EPHA6: variants seen among roughly 807,000 people sequenced by gnomAD.
EPHA6 encodes ephrin type-A receptor 6.
A neutral mutation model predicts 112.0 loss-of-function variants in EPHA6; 50 were observed. The observed-to-expected ratio is 0.45, with a 90% CI of 0.36 to 0.56. EPHA6 has a LOEUF of 0.56. Ranked by LOEUF, EPHA6 falls within the 20% of genes least tolerant of loss-of-function variation. The pLI, the probability that EPHA6 is intolerant of heterozygous loss-of-function variation, is 0.00. For synonymous variants in EPHA6, 529 were observed against 490.7 expected (o/e 1.08, Z -1.03); for missense variants, 1,280 against 1,417.4 (o/e 0.90, Z 1.56).
At chr3:97,671,573 A>G (rs778654237) in intron 14 of EPHA6, among the ~76,000 whole-genome samples, 2 of 152,206 alleles carry the variant, frequency 1.3e-5, no homozygotes, top group Non-Finnish European at 2.9e-5. Flanking sequence ...AGTCCTTGAT[A>G]GAAGTCAAAC....
At chr3:97,412,550 G>T (rs2087798932) in intron 6 of EPHA6, among the ~76,000 whole-genome samples, 1 of 151,900 alleles carries the variant, frequency 6.6e-6, no homozygotes, top group African/African-American at 2.4e-5. Context: ...ATTTTGTTAT[G>T]CTTTGCTATA....
At chr3:97,130,501 T>C (rs2048309213) in intron 3 of EPHA6, among the ~76,000 whole-genome samples, 1 of 152,180 alleles carries the variant, frequency 6.6e-6, no homozygotes, top group Non-Finnish European at 1.5e-5. Context: ...AGTTGACACA[T>C]TTTATGACTG....
chr3:97,756,090 ATTAGT>A lies in EPHA6; in HGVS notation c.*7393_*7397del, dbSNP rs1336134554. ...GAGAAGCCATAATATAATTCTTCAT[ATTAGT>A]TTATTTTTCAAAGTAGTAACTTTTG... On this transcript the variant is annotated 3_prime_UTR_variant, in exon 18 of 18. Transcript: ENST00000389672. 6.6e-6 allele frequency among the ~76,000 whole-genome samples: 1 copy of A among 151,988 alleles called. No individual in the cohort carries two copies. Among genetic ancestry groups the A allele is most frequent in the South Asian group, 2.1e-4 (1 of 4,826 alleles).
intron 2 of EPHA6, among the ~76,000 whole-genome samples, chr3:96,908,778 C>A (rs377105514): frequency 1.3e-5 from 2 of 151,880 alleles, no homozygotes; most frequent in African/African-American, 4.8e-5. Flanking sequence ...AAACAATTTT[C>A]TCTGTGTTCC....
chr3:96,950,460 G>A (rs2041477928), intron 2 of EPHA6, among the ~76,000 whole-genome samples: 1 of 152,080 alleles, frequency 6.6e-6, no homozygotes, highest in South Asian at 2.1e-4. Flanking sequence ...CTCTCATGAG[G>A]TTGCAGCTTT....
chr3:96,887,266 T>C (rs2037684937), intron 2 of EPHA6, among the ~76,000 whole-genome samples: 1 of 152,154 alleles, frequency 6.6e-6, no homozygotes, highest in Admixed American at 6.5e-5. Flanking sequence ...TCAGATTCTT[T>C]TGTCCCATGG....
intron 12 of EPHA6, among the ~76,000 whole-genome samples, chr3:97,600,743 A>G (rs2093636581): frequency 6.6e-6 from 1 of 152,042 alleles, no homozygotes; most frequent in South Asian, 2.1e-4. Context: ...AATGTTCTAT[A>G]TATAAAGTTA....
chr3:97,305,391 T>G (rs1449804920), intron 5 of EPHA6, among the ~76,000 whole-genome samples: 1 of 151,940 alleles, frequency 6.6e-6, no homozygotes, highest in Non-Finnish European at 1.5e-5. Context: ...GAATATAAAT[T>G]ATTCTATTAT....
intron 3 of EPHA6, among the ~76,000 whole-genome samples, chr3:96,997,541 G>T (rs1397104494): frequency 6.6e-6 from 1 of 151,848 alleles, no homozygotes; most frequent in Admixed American, 6.6e-5. Flanking sequence ...GAGAGAGAAG[G>T]GAGAATGGCC....
chr3:97,601,224 C>T lies in EPHA6; in HGVS notation c.2512+8487C>T, dbSNP rs115304850. 5.0e-3 allele frequency among the ~76,000 whole-genome samples: 755 copies of T among 152,254 alleles called. 8 individuals carry two copies. The highest frequency in any genetic ancestry group is 0.017 in the African/African-American group (721 of 41,554). Reference sequence around the variant, plus strand: ...CAAAAGATGCATTCAAAATCATTTTCTTCTTACAAAGAAAAATTCTGAAAA... The same window carrying T: ...CAAAAGATGCATTCAAAATCATTTTTTTCTTACAAAGAAAAATTCTGAAAA... On this transcript the variant is annotated intron_variant, in intron 12 of 17. Transcript: ENST00000389672.
intron 5 of EPHA6, among the ~76,000 whole-genome samples, chr3:97,266,858 A>T (rs2079703230): frequency 6.6e-6 from 1 of 152,114 alleles, no homozygotes; most frequent in Admixed American, 6.5e-5. Context: ...GTATATAAGC[A>T]TTTTACTAGA....
chr3:97,372,113 C>A (rs1485814092), intron 5 of EPHA6, among the ~76,000 whole-genome samples: 1 of 152,114 alleles, frequency 6.6e-6, no homozygotes, highest in Admixed American at 6.5e-5. Context: ...CTGTGACCCA[C>A]ACCCTATTCG....
intron 5 of EPHA6, among the ~76,000 whole-genome samples, chr3:97,266,514 A>G (rs943204136): frequency 6.6e-6 from 1 of 152,150 alleles, no homozygotes; most frequent in Non-Finnish European, 1.5e-5. Flanking sequence ...GGGCTTAAAA[A>G]AAAAATTTGC....
At chr3:97,285,636 A>T (rs115724920) in intron 5 of EPHA6, among the ~76,000 whole-genome samples, 2,690 of 152,152 alleles carry the variant, frequency 0.018, 70 homozygotes, top group African/African-American at 0.059. Flanking sequence ...AGACACTAAC[A>T]TTGATTCCAT....
intron 12 of EPHA6, among the ~76,000 whole-genome samples, chr3:97,610,059 T>C (rs1576062596): frequency 1.3e-5 from 2 of 151,530 alleles, no homozygotes; most frequent in Non-Finnish European, 3.0e-5. Flanking sequence ...AGTGTACCAA[T>C]TGATATGATA....
intron 2 of EPHA6, among the ~76,000 whole-genome samples, chr3:96,957,521 G>C (rs954868854): frequency 6.6e-6 from 1 of 152,182 alleles, no homozygotes; most frequent in Non-Finnish European, 1.5e-5. Context: ...AGAGAATCTT[G>C]TAACTGACAA....
At chr3:97,206,921 G>A (rs2077729242) in intron 3 of EPHA6, among the ~76,000 whole-genome samples, 1 of 152,044 alleles carries the variant, frequency 6.6e-6, no homozygotes, top group South Asian at 2.1e-4. Context: ...TAATTCTGTA[G>A]TTTGTAAAAG....
intron 5 of EPHA6, among the ~76,000 whole-genome samples, chr3:97,333,397 T>C (rs1045958387): frequency 2.6e-5 from 4 of 151,936 alleles, no homozygotes; most frequent in African/African-American, 9.7e-5. Context: ...TTGAGGTTTT[T>C]TGTGAAGACA....
At chr3:97,190,816 A>C (rs142432541) in intron 3 of EPHA6, among the ~76,000 whole-genome samples, 8,775 of 152,054 alleles carry the variant, frequency 0.058, 840 homozygotes, top group African/African-American at 0.2. Context: ...ATGTATACAT[A>C]TGTAACTAAC....
Sources: allele counts gnomAD v4.1 joint callset (sites outside exome capture counted in the v4.1 genomes callset), GRCh38; gene constraint gnomAD v4.1.1; transcripts MANE v1.5; gene names NCBI Gene and HGNC (gene_info 2026-07-23, HGNC 2026-07-21).